Variants in FAM3D observed in about 807,000 individuals in gnomAD.
The protein encoded by FAM3D is protein FAM3D.
Under a neutral mutation model 29.8 loss-of-function variants are expected in FAM3D, and 26 were observed. The ratio of observed to expected loss-of-function variants is 0.87; its 90% CI spans 0.64 to 1.21. The LOEUF (loss-of-function observed/expected upper bound fraction) is 1.21. FAM3D is among the 50% of genes most tolerant of loss of function. The pLI, the probability that FAM3D is intolerant of heterozygous loss-of-function variation, is 0.00. For synonymous variants in FAM3D, 115 were observed against 102.3 expected (o/e 1.12, Z -0.75); for missense variants, 253 against 290.9 (o/e 0.87, Z 0.95).
rs1042882872 is a variant in FAM3D at position 58,635,856 on chromosome 3, G to A, written c.585+438C>T. 3.3e-5 allele frequency among the ~76,000 whole-genome samples: 5 copies of A among 152,070 alleles called. No individual in the cohort carries two copies. Among genetic ancestry groups the A allele is most frequent in the Admixed American group, 6.6e-5 (1 of 15,266 alleles). ...GCACCTCTTGTCTGATGATGGCATCGGCCTCCTCCCTGCCTTCTGACTTCC... is the reference window on the plus strand; with the variant it reads ...GCACCTCTTGTCTGATGATGGCATCAGCCTCCTCCCTGCCTTCTGACTTCC... On this transcript the variant is annotated intron_variant, in intron 9 of 9. Coordinates refer to ENST00000358781, the MANE Select transcript of FAM3D (RefSeq NM_138805.3). The surrounding 1 kb of genome is among the most constrained non-coding windows in gnomAD (Gnocchi z 5.2).
Position 58,655,713 on chromosome 3 carries a change from G to T in FAM3D, c.-38-112C>A, listed in dbSNP as rs1275412498. 4 of 838,878 alleles carry T rather than the reference G, an allele frequency of 4.8e-6. No individual in the cohort carries two copies. The South Asian group carries it at 8.2e-5, about 17-fold the overall frequency. 52.0% of individuals were successfully genotyped at this position (838,878 alleles called of 1,614,324 possible). A position where few individuals can be genotyped will look rare whatever the true frequency, so the allele number is the denominator to read the frequency against. On this transcript the variant is annotated intron_variant, in intron 1 of 9. Coordinates refer to ENST00000358781, the MANE Select transcript of FAM3D (RefSeq NM_138805.3). The stretch of plus-strand genomic sequence containing the variant: ...GTGGAGATCATAATTCTTTCAGTTG[G>T]GTTCCTCACCACCTGCCATATGAAC...
intron 6 of FAM3D, among the ~76,000 whole-genome samples, chr3:58,642,681 T>C (rs2066366972): frequency 6.6e-6 from 1 of 152,176 alleles, no homozygotes; most frequent in African/African-American, 2.4e-5. Context: ...GTGTGTGTCC[T>C]GCAGGAGATG....
chr3:58,637,809 C>A (rs1163184609), intron 7 of FAM3D, among the ~76,000 whole-genome samples: 4 of 152,138 alleles, frequency 2.6e-5, no homozygotes, highest in Admixed American at 2.6e-4. Context: ...GAGAACAGCT[C>A]TAGGTTTAGC....
chr3:58,659,158 C>G (rs2066883827), intron 1 of FAM3D, among the ~76,000 whole-genome samples: 1 of 152,200 alleles, frequency 6.6e-6, no homozygotes, highest in South Asian at 2.1e-4. Context: ...GGCCACCTGT[C>G]TGGAAGGGGT....
chr3:58,653,806 G>A, intron 2 of FAM3D, 25 bp from the exon 3 acceptor site: 1 of 1,588,806 alleles, frequency 6.3e-7, no homozygotes. Context: ...GATGCTGCCA[G>A]GAGACCACAG....
At chr3:58,645,691 G>T in intron 4 of FAM3D, 65 bp from the exon 5 acceptor site, 1 of 1,382,824 alleles carries the variant, frequency 7.2e-7, no homozygotes, top group Non-Finnish European at 1.0e-6. Context: ...GAGAAGGAGG[G>T]GAGGGCCAGG....
chr3:58,639,577 CCGCATGTGGGCACTTCAGTGGG>C (rs577954686), intron 7 of FAM3D, among the ~76,000 whole-genome samples: 2,109 of 152,320 alleles, frequency 0.014, 21 homozygotes, highest in Middle Eastern at 0.048. Flanking sequence ...ACCTTGCACA[CCGCATGTGGGCACTTCAGTGGG>C]CCCATCCAGG....
In FAM3D at chr3:58,636,429, GAC is replaced by G. The variant is rs768833944; in HGVS notation, c.459-11_459-10del. Reference sequence around the variant, plus strand: ...TGCTTTCATCGTTCATTCTGCAGAGGACCAGAGAGGATGGTCAGGATGCGGGG... The same window carrying G: ...TGCTTTCATCGTTCATTCTGCAGAGGCAGAGAGGATGGTCAGGATGCGGGG... On this transcript the variant is annotated splice_polypyrimidine_tract_variant and intron_variant, in intron 8 of 9. Coordinates refer to ENST00000358781, the MANE Select transcript of FAM3D (RefSeq NM_138805.3). 6.2e-7 allele frequency: 1 copy of G among 1,613,898 alleles called. No homozygotes were observed. Among genetic ancestry groups the G allele is most frequent in the African/African-American group, 1.3e-5 (1 of 75,044 alleles).
In FAM3D at chr3:58,651,874, A is replaced by G. The variant is rs139178373; in HGVS notation, c.121+1800T>C. ...GGGGACACTTGGCCACTAAGCATCT[A>G]TATAAACTTCTAAATCATCTCAGCA... On this transcript the variant is annotated intron_variant, in intron 3 of 9. Coordinates refer to ENST00000358781, the MANE Select transcript of FAM3D (RefSeq NM_138805.3). Among the ~76,000 whole-genome samples, 192 of 152,300 alleles carry G rather than the reference A, an allele frequency of 1.3e-3. 1 individual carries two copies. The highest frequency in any genetic ancestry group is 4.4e-3 in the African/African-American group (184 of 41,574).
intron 3 of FAM3D, among the ~76,000 whole-genome samples, chr3:58,651,895 C>T (rs2066647405): frequency 6.6e-6 from 1 of 152,184 alleles, no homozygotes; most frequent in Non-Finnish European, 1.5e-5. Context: ...TAAATCATCT[C>T]AGCATGGGCT....
chr3:58,653,235 C>T (rs975358558), intron 3 of FAM3D, among the ~76,000 whole-genome samples: 1 of 152,116 alleles, frequency 6.6e-6, no homozygotes, highest in African/African-American at 2.4e-5. Context: ...AGCTGAAACT[C>T]GAAGGCTGAG....
Position 58,644,328 on chromosome 3 carries a change from G to A in FAM3D, c.264-608C>T, listed in dbSNP as rs370681473. 6.2e-4 allele frequency among the ~76,000 whole-genome samples: 95 copies of A among 152,282 alleles called. 1 individual carries two copies. The highest frequency in any genetic ancestry group is 2.1e-3 in the African/African-American group (89 of 41,546). On this transcript the variant is annotated intron_variant, in intron 5 of 9. Transcript: ENST00000358781. The stretch of plus-strand genomic sequence containing the variant: ...GGGAGGGACCCAGTGGGAGGTAATT[G>A]AATCATGGGGGCAGGTCTTTCCTGT...
intron 4 of FAM3D, among the ~76,000 whole-genome samples, chr3:58,645,931 G>A (rs897700643): frequency 1.3e-5 from 2 of 152,188 alleles, no homozygotes; most frequent in Non-Finnish European, 2.9e-5. Flanking sequence ...GAGTCACTAT[G>A]ACGAAGGGAC....
chr3:58,658,686 C>G (rs2066871851), intron 1 of FAM3D, among the ~76,000 whole-genome samples: 1 of 152,134 alleles, frequency 6.6e-6, no homozygotes, highest in Non-Finnish European at 1.5e-5. Context: ...AGGGTCTGGC[C>G]AATCAGAGCT....
intron 1 of FAM3D, among the ~76,000 whole-genome samples, chr3:58,665,989 T>C (rs1269068503): frequency 1.3e-5 from 2 of 152,230 alleles, no homozygotes; most frequent in African/African-American, 4.8e-5. Flanking sequence ...CAATATTACA[T>C]AGCTAGAAAA....
Position 58,640,172 on chromosome 3 carries a change from T to A in FAM3D, c.328A>T (p.Thr110Ser), listed in dbSNP as rs762019640. 5.0e-6 allele frequency: 8 copies of A among 1,614,210 alleles called. No homozygotes were observed. The South Asian group carries it at 8.8e-5, about 18-fold the overall frequency. The change falls in exon 7 of 10, where the codon ACG becomes TCG. Residue 110 changes from threonine (T) to serine (S), a missense_variant. Coordinates refer to ENST00000358781, the MANE Select transcript of FAM3D (RefSeq NM_138805.3). The part of the protein sequence containing the change: ...GLNIALVNGT[T>S]GAVLGQKAFD... Reference sequence around the variant, plus strand: ...GCCTTCTGTCCCAGCACAGCTCCCGTGGTTCCTAGGGGTTAAGAGGAGAAC... The same window carrying A: ...GCCTTCTGTCCCAGCACAGCTCCCGAGGTTCCTAGGGGTTAAGAGGAGAAC...
chr3:58,641,488 G>T (rs1335653842), intron 6 of FAM3D, among the ~76,000 whole-genome samples: 1 of 151,984 alleles, frequency 6.6e-6, no homozygotes, highest in African/African-American at 2.4e-5. Flanking sequence ...AGCCTTAGCT[G>T]GGACTACAGG....
chr3:58,653,808 AG>A, intron 2 of FAM3D, 27 bp from the exon 3 acceptor site: 1 of 1,584,298 alleles, frequency 6.3e-7, no homozygotes, highest in Non-Finnish European at 8.7e-7. Flanking sequence ...TGCTGCCAGG[AG>A]ACCACAGAGC....
At chr3:58,642,943 C>G (rs2066374262) in intron 6 of FAM3D, among the ~76,000 whole-genome samples, 1 of 152,228 alleles carries the variant, frequency 6.6e-6, no homozygotes, top group African/African-American at 2.4e-5. Context: ...CCCTCCCTTT[C>G]CCTTCTCCTC....
Sources: allele counts gnomAD v4.1 joint callset (sites outside exome capture counted in the v4.1 genomes callset), GRCh38; gene constraint gnomAD v4.1.1; non-coding constraint Gnocchi (gnomAD v3.1); transcripts MANE v1.5; gene names NCBI Gene and HGNC (gene_info 2026-07-23, HGNC 2026-07-21).